The following C6 variants were observed in gnomAD, a reference collection of about 807,000 sequenced individuals.
C6 encodes the protein complement component C6.
C6 carries 101 observed loss-of-function variants against 112.9 expected under a neutral mutation model. The ratio of observed to expected loss-of-function variants is 0.89; its 90% CI spans 0.76 to 1.06. The LOEUF (loss-of-function observed/expected upper bound fraction) is 1.06. Among genes scored for constraint, C6 ranks in the 50% least tolerant of loss-of-function variants. C6 has a pLI of 0.00. For missense variants in C6, 1,202 were observed against 1,104.6 expected, an observed-to-expected ratio of 1.09 and a Z score of -1.25; for synonymous variants, 431 against 384.1, an observed-to-expected ratio of 1.12 and a Z score of -1.43.
At chr5:41,244,754 T>C (rs1379997335) in intron 1 of C6, among the ~76,000 whole-genome samples, 1 of 152,102 alleles carries the variant, frequency 6.6e-6, no homozygotes, top group Non-Finnish European at 1.5e-5. Context: ...TTCTACATAA[T>C]AAACTTTAGT....
At chr5:41,186,007 A>G (rs1052325157) in intron 6 of C6, 63 bp downstream of exon 6, 2 of 1,591,330 alleles carry the variant, frequency 1.3e-6, no homozygotes, top group South Asian at 1.1e-5. Flanking sequence ...CTAATTTTGC[A>G]TGAGAAATTT....
At chr5:41,218,717 G>A (rs1296755245) in intron 1 of C6, among the ~76,000 whole-genome samples, 4 of 152,102 alleles carry the variant, frequency 2.6e-5, no homozygotes. Flanking sequence ...CATGTGCCAG[G>A]GTTGGGGAGT....
intron 1 of C6, among the ~76,000 whole-genome samples, chr5:41,227,818 A>T (rs2150410281): frequency 6.6e-6 from 1 of 152,072 alleles, no homozygotes; most frequent in East Asian, 1.9e-4. Flanking sequence ...ATTTTGTCCT[A>T]TTGGTCTATG....
chr5:41,193,047 C>T (rs1481867513), intron 5 of C6, among the ~76,000 whole-genome samples: 1 of 152,134 alleles, frequency 6.6e-6, no homozygotes, highest in Non-Finnish European at 1.5e-5. Flanking sequence ...CAAATTACAT[C>T]TCAATAAGGC....
chr5:41,250,904 A>G (rs911376668), intron 1 of C6, among the ~76,000 whole-genome samples: 1 of 152,222 alleles, frequency 6.6e-6, no homozygotes, highest in Non-Finnish European at 1.5e-5. Context: ...GTAATGTGAA[A>G]AGATTCTATG....
chr5:41,207,623 G>C (rs1045076016), intron 1 of C6, among the ~76,000 whole-genome samples: 1 of 152,120 alleles, frequency 6.6e-6, no homozygotes, highest in Non-Finnish European at 1.5e-5. Flanking sequence ...GATCAAAAGA[G>C]ACAAAGAAGG....
intron 15 of C6, among the ~76,000 whole-genome samples, chr5:41,150,884 T>TAA (rs71606599): frequency 5.4e-5 from 7 of 130,082 alleles, no homozygotes; most frequent in South Asian, 2.5e-4. Context: ...AGACTCTGTC[T>TAA]AAAAAAAAAA....
chr5:41,211,131 A>G lies in C6; in HGVS notation c.-21+2245T>C, dbSNP rs188075174. 3.0e-3 allele frequency among the ~76,000 whole-genome samples: 450 copies of G among 152,248 alleles called. 3 individuals are homozygous for G. The highest frequency in any genetic ancestry group is 0.01 in the African/African-American group (432 of 41,556). ...AAACCATCATTTTGAGCAAACTATCACAAGGACAGAAAACCAAACACTGAA... is the reference window on the plus strand; with the variant it reads ...AAACCATCATTTTGAGCAAACTATCGCAAGGACAGAAAACCAAACACTGAA... On this transcript the variant is annotated intron_variant, in intron 1 of 17. Transcript: ENST00000337836.
intron 3 of C6, among the ~76,000 whole-genome samples, chr5:41,201,130 A>T (rs1001649181): frequency 3.3e-5 from 5 of 152,024 alleles, no homozygotes; most frequent in African/African-American, 1.2e-4. Context: ...AATGAATTTC[A>T]TGTTTAGACT....
chr5:41,243,999 C>G (rs1740881605), intron 1 of C6, among the ~76,000 whole-genome samples: 1 of 152,170 alleles, frequency 6.6e-6, no homozygotes, highest in Non-Finnish European at 1.5e-5. Flanking sequence ...TTATCACCTT[C>G]CATTCTATAC....
chr5:41,160,643 A>G (rs1168316318), intron 10 of C6, among the ~76,000 whole-genome samples: 1 of 152,170 alleles, frequency 6.6e-6, no homozygotes, highest in East Asian at 1.9e-4. Flanking sequence ...GTTATTTATT[A>G]AGTATTCTAT....
intron 1 of C6, among the ~76,000 whole-genome samples, chr5:41,242,131 G>C (rs1321821506): frequency 6.6e-6 from 1 of 152,136 alleles, no homozygotes; most frequent in African/African-American, 2.4e-5. Flanking sequence ...TTTGGACTAT[G>C]ATATGGTTTG....
In C6 at chr5:41,195,930, C is replaced by T. The variant is rs371223066; in HGVS notation, c.449G>A (p.Arg150His). ...CKNKFRCDSG[R>H]CIARKLECNG... The stretch of plus-strand genomic sequence containing the variant: ...GCATTCTAACTTTCTGGCAATGCAG[C>T]GGCCTAGTCAAGAAAAGCAAACAAA... Residue 150 changes from arginine to histidine, a missense_variant, in exon 5 of 18, where the codon CGC (arginine) becomes CAC (histidine). Physicochemically the swap from Arg to His is conservative, Grantham distance 29. Coordinates refer to ENST00000337836, the MANE Select transcript of C6 (RefSeq NM_000065.5). 1.6e-5 allele frequency: 26 copies of T among 1,613,534 alleles called. No homozygotes were observed. Among genetic ancestry groups the T allele is most frequent in the African/African-American group, 6.7e-5 (5 of 74,888 alleles).
chr5:41,232,798 A>G (rs567691228), intron 1 of C6, among the ~76,000 whole-genome samples: 1 of 151,948 alleles, frequency 6.6e-6, no homozygotes, highest in South Asian at 2.1e-4. Flanking sequence ...TATTCATAGC[A>G]CCTTATTTTT....
chr5:41,255,253 C>G (rs1026636870), intron 1 of C6, among the ~76,000 whole-genome samples: 4 of 151,512 alleles, frequency 2.6e-5, no homozygotes, highest in Admixed American at 2.0e-4. Flanking sequence ...CCCAGCTACT[C>G]GGGAGACTGA....
chr5:41,240,194 G>C (rs527346970), intron 1 of C6, among the ~76,000 whole-genome samples: 8 of 152,098 alleles, frequency 5.3e-5, no homozygotes, highest in Non-Finnish European at 8.8e-5. Context: ...TCATTGGTCA[G>C]GCTGCATTGT....
At chr5:41,206,127 C>A (rs1751417171) in intron 1 of C6, among the ~76,000 whole-genome samples, 1 of 151,822 alleles carries the variant, frequency 6.6e-6, no homozygotes, top group South Asian at 2.1e-4. Context: ...GGACCTCCAG[C>A]AAACTCCAAC....
intron 1 of C6, among the ~76,000 whole-genome samples, chr5:41,233,193 C>T (rs748133183): frequency 2.0e-5 from 3 of 152,006 alleles, no homozygotes; most frequent in Non-Finnish European, 4.4e-5. Flanking sequence ...ACATTTTTAG[C>T]AGTCAGTTTT....
At chr5:41,243,665 C>T (rs1276154471) in intron 1 of C6, among the ~76,000 whole-genome samples, 2 of 152,156 alleles carry the variant, frequency 1.3e-5, no homozygotes, top group African/African-American at 4.8e-5. Context: ...GTCATATCTC[C>T]TTAGCTCTCA....
Sources: gnomAD v4.1 joint callset for allele counts (sites outside exome capture counted in the v4.1 genomes callset) on GRCh38, gnomAD v4.1.1 for gene constraint, MANE v1.5 for transcripts, NCBI Gene and HGNC (gene_info 2026-07-23, HGNC 2026-07-21) for gene names.